The following DNAI7 variants were observed in gnomAD, a reference collection of about 807,000 sequenced individuals.
DNAI7 encodes the protein dynein axonemal intermediate chain 7.
DNAI7 carries 78 observed loss-of-function variants against 86.6 expected under a neutral mutation model. The ratio of observed to expected loss-of-function variants is 0.90; its 90% CI spans 0.75 to 1.09. The LOEUF is 1.09. DNAI7 is among the 50% of genes least tolerant of loss of function. The pLI is 0.00. For missense variants in DNAI7, 753 were observed against 810.2 expected, an observed-to-expected ratio of 0.93 and a Z score of 0.86; for synonymous variants, 274 against 273.0, an observed-to-expected ratio of 1.00 and a Z score of -0.04.
At chr12:25,185,778 A>G (rs372094764) in intron 2 of DNAI7, 1 of 983,916 alleles carries the variant, frequency 1.0e-6, no homozygotes, top group East Asian at 1.1e-4. Flanking sequence ...GTTTGTGATG[A>G]CAGTGTTCCT....
intron 9 of DNAI7, among the ~76,000 whole-genome samples, chr12:25,144,084 T>A (rs1189887589): frequency 6.6e-6 from 1 of 152,174 alleles, no homozygotes; most frequent in Non-Finnish European, 1.5e-5. Context: ...ATAATAAATA[T>A]ACAAAAATTA....
intron 9 of DNAI7, among the ~76,000 whole-genome samples, chr12:25,144,121 C>T (rs1215726296): frequency 6.6e-6 from 1 of 152,066 alleles, no homozygotes; most frequent in African/African-American, 2.4e-5. Context: ...CCCGGTTGTG[C>T]ACCTAATATA....
rs192837032 is a variant in DNAI7, at chr12:25,163,370, T to C, written c.22-2173A>G. Among the ~76,000 whole-genome samples, 671 of 152,252 alleles carry C rather than the reference T, an allele frequency of 4.4e-3. 3 individuals are homozygous for C. Among genetic ancestry groups the C allele is most frequent in the Non-Finnish European group, 5.3e-3 (362 of 68,020 alleles). On this transcript the variant is annotated intron_variant, in intron 2 of 15. Coordinates refer to ENST00000395987, the MANE Select transcript of DNAI7 (RefSeq NM_018272.5). ...AACTGATGACATTATCTTGTGAAAT[T>C]CCTTCTCCTGGCTCATCCTGGCTTA...
intron 12 of DNAI7, among the ~76,000 whole-genome samples, chr12:25,115,467 T>C (rs1479554507): frequency 6.6e-6 from 1 of 152,190 alleles, no homozygotes; most frequent in Non-Finnish European, 1.5e-5. Context: ...GGTGGTCTTT[T>C]GTATCTCTTA....
intron 2 of DNAI7, 42 bp from the exon 3 acceptor site, chr12:25,161,239 A>C (rs776229560): frequency 6.6e-7 from 1 of 1,522,594 alleles, no homozygotes; most frequent in Non-Finnish European, 9.1e-7. Context: ...TTAACATGCA[A>C]GTTACTTGAA....
chr12:25,149,673 C>T lies in DNAI7; in HGVS notation c.540G>A (p.Glu180=), dbSNP rs767472106. ...QYQESILQLQ[E]LLHLKFGVAT... ...CTACACCGAATTTAAGATGAAGGAGCTCCTGCAGTTGTAGTATTGATTCTT... is the reference window on the plus strand; with the variant it reads ...CTACACCGAATTTAAGATGAAGGAGTTCCTGCAGTTGTAGTATTGATTCTT... The change falls in exon 7 of 16, where the codon GAG becomes GAA. Residue 180 remains glutamate (E), a synonymous_variant. Coordinates refer to ENST00000395987, the MANE Select transcript of DNAI7 (RefSeq NM_018272.5). 1.9e-6 allele frequency: 3 copies of T among 1,606,190 alleles called. No homozygotes were observed. The highest frequency in any genetic ancestry group is 3.4e-5 in the Admixed American group (2 of 59,446).
intron 2 of DNAI7, among the ~76,000 whole-genome samples, chr12:25,187,888 ACAGTAATG>A (rs935605510): frequency 2.4e-5 from 2 of 84,946 alleles, no homozygotes; most frequent in Non-Finnish European, 4.6e-5. Flanking sequence ...ATCCCACAAC[ACAGTAATG>A]CAGAGCAAAA....
chr12:25,131,031 G>A lies in DNAI7; in HGVS notation c.1003-7745C>T, dbSNP rs1023921498. Reference sequence around the variant, plus strand: ...ATCAAACATAACTCATATGTTCTGGGCCATAATTGCCTGCATTATTATATC... The same window carrying A: ...ATCAAACATAACTCATATGTTCTGGACCATAATTGCCTGCATTATTATATC... On this transcript the variant is annotated intron_variant, in intron 9 of 15. Transcript: ENST00000395987. Among the ~76,000 whole-genome samples the A allele has an allele frequency of 5.9e-5, 9 of 151,700 alleles. No individual in the cohort carries two copies. In the South Asian group the frequency reaches 1.7e-3, roughly 28 times the overall value.
At chr12:25,127,837 T>C (rs1217581622) in intron 9 of DNAI7, among the ~76,000 whole-genome samples, 3 of 152,100 alleles carry the variant, frequency 2.0e-5, no homozygotes, top group Non-Finnish European at 4.4e-5. Flanking sequence ...ATTCCAGAAA[T>C]AGAGAATAGG....
At chr12:25,131,538 G>T (rs2220196) in intron 9 of DNAI7, among the ~76,000 whole-genome samples, 25,987 of 152,056 alleles carry the variant, frequency 0.17, 2,331 homozygotes, top group Middle Eastern at 0.23. Context: ...ATACTATGCC[G>T]GATCACTAAA....
chr12:25,121,411 G>A (rs1245998882), intron 11 of DNAI7, among the ~76,000 whole-genome samples: 1 of 152,192 alleles, frequency 6.6e-6, no homozygotes, highest in Non-Finnish European at 1.5e-5. Context: ...TAGGGACCGC[G>A]AAGGTGAAAA....
intron 12 of DNAI7, among the ~76,000 whole-genome samples, chr12:25,116,571 C>G (rs1940153841): frequency 6.6e-6 from 1 of 152,110 alleles, no homozygotes; most frequent in African/African-American, 2.4e-5. Flanking sequence ...GCGATCTCAG[C>G]TCGCTACACC....
intron 2 of DNAI7, among the ~76,000 whole-genome samples, chr12:25,178,563 G>A (rs1001702157): frequency 3.3e-5 from 5 of 152,098 alleles, no homozygotes; most frequent in African/African-American, 1.2e-4. Context: ...AGGCTAACAT[G>A]TGCCTCTTAT....
At chr12:25,164,913 G>C (rs569722272) in intron 2 of DNAI7, among the ~76,000 whole-genome samples, 5 of 150,962 alleles carry the variant, frequency 3.3e-5, no homozygotes, top group Admixed American at 6.6e-5. Flanking sequence ...GCTTAGTTTC[G>C]TTCCGCGACT....
At chr12:25,124,226 A>T (rs1941757837) in intron 9 of DNAI7, among the ~76,000 whole-genome samples, 1 of 152,120 alleles carries the variant, frequency 6.6e-6, no homozygotes, top group African/African-American at 2.4e-5. Context: ...AGTCCCCCTT[A>T]GTAGACTAGC....
At chr12:25,149,174 T>C (rs1945206517) in intron 7 of DNAI7, among the ~76,000 whole-genome samples, 1 of 152,120 alleles carries the variant, frequency 6.6e-6, no homozygotes, top group Non-Finnish European at 1.5e-5. Flanking sequence ...AGGTCTCCTA[T>C]CCTATCCTTA....
rs1295665621 is a variant in DNAI7, at chr12:25,149,641, T to A, written c.572A>T (p.Glu191Val). Residue 191 changes from glutamate (E) to valine (V), a missense_variant, in exon 7 of 16, where the codon GAA becomes GTA. Physicochemically the swap from Glu to Val is moderately radical, Grantham distance 121. Coordinates refer to ENST00000395987, the MANE Select transcript of DNAI7 (RefSeq NM_018272.5). ...TATCACACTTACTTTGAGAAGTATTTCTGTGGCTACACCGAATTTAAGATG... is the reference window on the plus strand; with the variant it reads ...TATCACACTTACTTTGAGAAGTATTACTGTGGCTACACCGAATTTAAGATG... ...LLHLKFGVAT[E>V]ILLKQASTLA... The A allele has an allele frequency of 1.2e-6, 2 of 1,605,652 alleles. No homozygotes were observed. Among genetic ancestry groups the A allele is most frequent in the East Asian group, 4.5e-5 (2 of 44,676 alleles).
chr12:25,138,751 C>T (rs1204927690), intron 9 of DNAI7, among the ~76,000 whole-genome samples: 2 of 151,748 alleles, frequency 1.3e-5, no homozygotes, highest in Non-Finnish European at 2.9e-5. Flanking sequence ...AAATCAAAAA[C>T]TCTGAAAGAG....
At chr12:25,136,932 A>G (rs934229648) in intron 9 of DNAI7, among the ~76,000 whole-genome samples, 6 of 152,180 alleles carry the variant, frequency 3.9e-5, no homozygotes, top group African/African-American at 1.4e-4. Context: ...CAACCAAATC[A>G]AAGAATAACT....
Sources: allele counts gnomAD v4.1 joint callset (sites outside exome capture counted in the v4.1 genomes callset), GRCh38; gene constraint gnomAD v4.1.1; transcripts MANE v1.5; gene names NCBI Gene and HGNC (gene_info 2026-07-23, HGNC 2026-07-21).